The following ZSCAN29 variants were observed in gnomAD, a reference collection of about 807,000 sequenced individuals.
ZSCAN29 encodes the protein zinc finger and SCAN domain containing 29, also known as zinc finger and SCAN domain-containing protein 29.
A neutral mutation model predicts 71.9 loss-of-function variants in ZSCAN29; 55 were observed. The observed-to-expected ratio is 0.76, with a 90% CI of 0.62 to 0.96. ZSCAN29 has a LOEUF of 0.96. ZSCAN29 is among the 40% of genes least tolerant of loss of function. The pLI, the probability that ZSCAN29 is intolerant of heterozygous loss-of-function variation, is 0.00. For synonymous variants in ZSCAN29, 351 were observed against 371.6 expected, an observed-to-expected ratio of 0.94 and a Z score of 0.64; for missense variants, 1,042 against 1,042.2, an observed-to-expected ratio of 1.00 and a Z score of 0.00.
At chr15:43,367,980 A>G (rs1313422296) in intron 3 of ZSCAN29, among the ~76,000 whole-genome samples, 1 of 152,236 alleles carries the variant, frequency 6.6e-6, no homozygotes, top group Non-Finnish European at 1.5e-5. Flanking sequence ...AAAATCAAGT[A>G]CAAGAATAAT....
rs1370769827 is a variant in ZSCAN29 at position 43,369,650 on chromosome 15, C to T, written c.264G>A (p.Glu88=). ...VQEQCPENGE[E]AVTLVEDLER... Reference sequence around the variant, plus strand: ...CTAAATCTTCCACGAGAGTCACTGCCTCCTCTCCATTTTCTGGACATTGTT... The same window carrying T: ...CTAAATCTTCCACGAGAGTCACTGCTTCCTCTCCATTTTCTGGACATTGTT... The change falls in exon 2 of 6, where the codon GAG becomes GAA. Residue 88 remains glutamate, a synonymous_variant. Transcript: ENST00000684362. The T allele has an allele frequency of 2.5e-6, 4 of 1,614,054 alleles. No individual in the cohort carries two copies. The highest frequency in any genetic ancestry group is 3.4e-6 in the Non-Finnish European group (4 of 1,180,034).
intron 5 of ZSCAN29, among the ~76,000 whole-genome samples, chr15:43,362,390 TA>T (rs985315056): frequency 1.2e-4 from 19 of 152,354 alleles, no homozygotes; most frequent in African/African-American, 4.1e-4. Context: ...TGGAAACTTT[TA>T]TATCCAGAGG....
Position 43,369,801 on chromosome 15 carries a change from T to C in ZSCAN29, c.113A>G (p.Gln38Arg), listed in dbSNP as rs1457141763. 1.2e-6 allele frequency: 2 copies of C among 1,614,122 alleles called. No homozygotes were observed. The highest frequency in any genetic ancestry group is 2.7e-5 in the African/African-American group (2 of 74,948). The stretch of plus-strand genomic sequence containing the variant: ...CCACCGACAGCAAAGTTCCCAGAGT[T>C]GGCTGAAAGCCTCCCGCGGCCCAGC... ...EVAGPREAFS[Q>R]LWELCCRWLR... Residue 38 changes from glutamine (Q) to arginine (R), a missense_variant, in exon 2 of 6, where the codon CAA becomes CGA. By Grantham distance (43) the Gln-to-Arg change is conservative (BLOSUM62 1). Transcript: ENST00000684362.
In ZSCAN29 at chr15:43,361,253, A is replaced by G; in HGVS notation, c.2379T>C (p.Pro793=). The change falls in exon 6 of 6, where the codon CCT becomes CCC. Residue 793 remains proline (P), a synonymous_variant. Transcript: ENST00000684362. ...IHTGERPHVC[P]DCGKSFSKSS... is the part of the protein sequence containing the mutation. ...TCTTACTGAAACTCTTTCCACAGTC[A>G]GGACACACATGGGGTCTCTCTCCTG... The G allele has an allele frequency of 1.2e-6, 2 of 1,614,218 alleles. No individual in the cohort carries two copies. The highest frequency in any genetic ancestry group is 1.1e-5 in the South Asian group (1 of 91,092).
At chr15:43,363,029 G>T (rs2043998088) in intron 5 of ZSCAN29, among the ~76,000 whole-genome samples, 1 of 151,556 alleles carries the variant, frequency 6.6e-6, no homozygotes, top group Non-Finnish European at 1.5e-5. Context: ...CCAGGCAGGA[G>T]TGCAATGGCA....
intron 4 of ZSCAN29, among the ~76,000 whole-genome samples, chr15:43,365,164 G>A (rs1453696460): frequency 3.9e-5 from 6 of 151,902 alleles, no homozygotes; most frequent in Non-Finnish European, 8.8e-5. Flanking sequence ...TAGCGATGTA[G>A]TCCTCCTGCT....
Position 43,361,653 on chromosome 15 carries a change from A to C in ZSCAN29, c.1979T>G (p.Phe660Cys), listed in dbSNP as rs142885180. Residue 660 changes from phenylalanine (F) to cysteine (C), a missense_variant, in exon 6 of 6, where the codon TTT (phenylalanine) becomes TGT (cysteine). Phe to Cys is a radical substitution (Grantham distance 205). Coordinates refer to ENST00000684362, the MANE Select transcript of ZSCAN29 (RefSeq NM_001372080.1). ...PYKYLKYSKS[F>C]GPNSLLMHQV... ...ATGCATGAGAAGGGAGTTTGGACCAAAGCTTTTGCTGTATTTGAGATATTT... is the reference window on the plus strand; with the variant it reads ...ATGCATGAGAAGGGAGTTTGGACCACAGCTTTTGCTGTATTTGAGATATTT... The C allele has an allele frequency of 3.3e-4, 529 of 1,614,142 alleles. 3 individuals are homozygous for C. In the African/African-American group the frequency reaches 6.4e-3, roughly 20 times the overall value.
intron 4 of ZSCAN29, among the ~76,000 whole-genome samples, chr15:43,364,952 C>T (rs2044021435): frequency 6.8e-6 from 1 of 147,004 alleles, no homozygotes; most frequent in Non-Finnish European, 1.5e-5. Context: ...ACATTGAGCA[C>T]ATGTGCCACA....
chr15:43,359,210 G>A lies in ZSCAN29; in HGVS notation c.*1863C>T, dbSNP rs181287808. On this transcript the variant is annotated 3_prime_UTR_variant, in exon 6 of 6. Transcript: ENST00000684362. Reference sequence around the variant, plus strand: ...TTTTGTTAAAGCAAACTAATGCATTGGACCACAACATTTATGCATAGTGTT... The same window carrying A: ...TTTTGTTAAAGCAAACTAATGCATTAGACCACAACATTTATGCATAGTGTT... The A allele has an allele frequency of 2.0e-4, 30 of 152,222 alleles. No homozygotes were observed. The highest frequency in any genetic ancestry group is 7.2e-4 in the African/African-American group (30 of 41,516). 9.4% of individuals were successfully genotyped at this position (152,222 alleles called of 1,614,324 possible). A position where few individuals can be genotyped will look rare whatever the true frequency, so the allele number is the denominator to read the frequency against.
Position 43,364,288 on chromosome 15 carries a change from G to A in ZSCAN29, c.1317C>T (p.Ser439=). ...TCTCAGCCACTGCTCCATACAGCTG[G>A]CTGTTGCGGTGACAGTTCCGGAGGG... The part of the protein sequence containing the change: ...YEALRNCHRN[S]QLYGAVAERL... The change falls in exon 5 of 6, where the codon AGC becomes AGT. Residue 439 remains serine, a synonymous_variant. Transcript: ENST00000684362. The A allele has an allele frequency of 2.5e-6, 4 of 1,614,182 alleles. No individual in the cohort carries two copies. Among genetic ancestry groups the A allele is most frequent in the Non-Finnish European group, 3.4e-6 (4 of 1,180,046 alleles).
intron 5 of ZSCAN29, among the ~76,000 whole-genome samples, chr15:43,362,260 A>T (rs1473626568): frequency 6.6e-6 from 1 of 152,210 alleles, no homozygotes; most frequent in Non-Finnish European, 1.5e-5. Flanking sequence ...CCATGTTTCT[A>T]CAGGAAAGAC....
chr15:43,369,841 G>A lies in ZSCAN29; in HGVS notation c.73C>T (p.His25Tyr), dbSNP rs1238052006. ...ETFRQRFRRF[H>Y]YQEVAGPREA... ...CGCGGCCCAGCCACCTCCTGGTAAT[G>A]GAATCTCCTGAAACGCTGTCGGAAG... Residue 25 changes from histidine (H) to tyrosine (Y), a missense_variant, in exon 2 of 6, where the codon CAT becomes TAT. Physicochemically the swap from His to Tyr is moderately conservative, Grantham distance 83. Transcript: ENST00000684362. The A allele has an allele frequency of 1.2e-6, 2 of 1,613,814 alleles. No homozygotes were observed. Among genetic ancestry groups the A allele is most frequent in the Admixed American group, 1.7e-5 (1 of 60,014 alleles).
rs569215406 is a variant in ZSCAN29 at position 43,359,889 on chromosome 15, A to G, written c.*1184T>C. The G allele has an allele frequency of 6.6e-6, 1 of 152,354 alleles. No individual in the cohort carries two copies. The highest frequency in any genetic ancestry group is 2.1e-4 in the South Asian group (1 of 4,832). 9.4% of individuals were successfully genotyped at this position (152,354 alleles called of 1,614,324 possible). A position where few individuals can be genotyped will look rare whatever the true frequency, so the allele number is the denominator to read the frequency against. On this transcript the variant is annotated 3_prime_UTR_variant, in exon 6 of 6. Transcript: ENST00000684362. ...TATAAGGTTTTCATTGTTTCTGCATAAGAACACCTGTTCTTGACAAGATGA... is the reference window on the plus strand; with the variant it reads ...TATAAGGTTTTCATTGTTTCTGCATGAGAACACCTGTTCTTGACAAGATGA...
In ZSCAN29 at chr15:43,366,413, T is replaced by C; in HGVS notation, c.919A>G (p.Lys307Glu). Residue 307 changes from lysine to glutamate, a missense_variant, in exon 4 of 6, where the codon AAG (lysine) becomes GAG (glutamate). Physicochemically the swap from Lys to Glu is moderately conservative, Grantham distance 56. Transcript: ENST00000684362. ...CCGCTCTTGACTTTCCGATAGCTCT[T>C]CTGGAGACCTTTGAACTTGGTCCGA... The part of the protein sequence containing the change: ...QCRTKFKGLQ[K>E]SYRKVKSGHP... 1 of 1,614,176 alleles carries C rather than the reference T, an allele frequency of 6.2e-7. No individual in the cohort carries two copies. Among genetic ancestry groups the C allele is most frequent in the Non-Finnish European group, 8.5e-7 (1 of 1,180,026 alleles).
chr15:43,363,420 A>G (rs1166412078), intron 5 of ZSCAN29, among the ~76,000 whole-genome samples: 8 of 152,234 alleles, frequency 5.3e-5, no homozygotes, highest in Non-Finnish European at 1.2e-4. Context: ...TCTAGCAGCT[A>G]AGATTCAAAG....
At chr15:43,362,342 C>T (rs976592125) in intron 5 of ZSCAN29, among the ~76,000 whole-genome samples, 1 of 152,166 alleles carries the variant, frequency 6.6e-6, no homozygotes, top group Non-Finnish European at 1.5e-5. Context: ...TCACCAGTAA[C>T]TAAAAGGTTT....
Position 43,360,836 on chromosome 15 carries a change from T to C in ZSCAN29, c.*237A>G. On this transcript the variant is annotated 3_prime_UTR_variant, in exon 6 of 6. Transcript: ENST00000684362. Reference sequence around the variant, plus strand: ...ACCATAGGCACTGAGAGGGAAAAGATGTTATCCATCAATTCAGATGCAGGC... The same window carrying C: ...ACCATAGGCACTGAGAGGGAAAAGACGTTATCCATCAATTCAGATGCAGGC... The C allele has an allele frequency of 1.9e-6, 1 of 514,068 alleles. No individual in the cohort carries two copies. The highest frequency in any genetic ancestry group is 3.4e-6 in the Non-Finnish European group (1 of 290,474). 31.8% of individuals were successfully genotyped at this position (514,068 alleles called of 1,614,324 possible). A position where few individuals can be genotyped will look rare whatever the true frequency, so the allele number is the denominator to read the frequency against.
chr15:43,366,410 T>C lies in ZSCAN29; in HGVS notation c.922A>G (p.Ser308Gly), dbSNP rs758318956. Residue 308 changes from serine (S) to glycine (G), a missense_variant, in exon 4 of 6, where the codon AGC becomes GGC. Coordinates refer to ENST00000684362, the MANE Select transcript of ZSCAN29 (RefSeq NM_001372080.1). Reference protein sequence around the residue: ...CRTKFKGLQKSYRKVKSGHPP... With the variant: ...CRTKFKGLQKGYRKVKSGHPP... ...TGGCCGCTCTTGACTTTCCGATAGC[T>C]CTTCTGGAGACCTTTGAACTTGGTC... 1 of 1,614,116 alleles carries C rather than the reference T, an allele frequency of 6.2e-7. No individual in the cohort carries two copies. Among genetic ancestry groups the C allele is most frequent in the Non-Finnish European group, 8.5e-7 (1 of 1,180,024 alleles).
At position 43,366,183 on chromosome 15, in the gene ZSCAN29, A is replaced by G. The variant is rs1055733790; in HGVS notation, c.1149T>C (p.Ser383=). 2 of 1,613,862 alleles carry G rather than the reference A, an allele frequency of 1.2e-6. No individual in the cohort carries two copies. The highest frequency in any genetic ancestry group is 2.7e-5 in the African/African-American group (2 of 74,826). Residue 383 remains serine (S), a synonymous_variant, in exon 4 of 6, where the codon AGT becomes AGC. Coordinates refer to ENST00000684362, the MANE Select transcript of ZSCAN29 (RefSeq NM_001372080.1). Reference sequence around the variant, plus strand: ...GGGTCGCCTCTAGATCCATGTCATCACTGTCAGACTCCTGAGCCACAGCCT... The same window carrying G: ...GGGTCGCCTCTAGATCCATGTCATCGCTGTCAGACTCCTGAGCCACAGCCT... ...AEEAVAQESD[S]DDMDLEATPQ...
Sources: gnomAD v4.1 joint callset for allele counts (sites outside exome capture counted in the v4.1 genomes callset) on GRCh38, gnomAD v4.1.1 for gene constraint, MANE v1.5 for transcripts, NCBI Gene and HGNC (gene_info 2026-07-23, HGNC 2026-07-21) for gene names.